The following SND1 variants were observed in gnomAD, a reference collection of about 807,000 sequenced individuals.
SND1 encodes staphylococcal nuclease domain-containing protein 1.
A neutral mutation model predicts 121.7 loss-of-function variants in SND1; 38 were observed. That is an observed-to-expected ratio of 0.31 (90% CI 0.24 to 0.41). SND1 has a LOEUF of 0.41. Among genes scored for constraint, SND1 ranks in the 10% least tolerant of loss-of-function variants. SND1 has a pLI of 1.00. For synonymous variants in SND1, 401 were observed against 447.4 expected (o/e 0.90, Z 1.31); for missense variants, 868 against 1,184.6 (o/e 0.73, Z 3.92).
intron 10 of SND1, among the ~76,000 whole-genome samples, chr7:127,806,656 C>T (rs747020267): frequency 2.8e-4 from 43 of 152,088 alleles, no homozygotes; most frequent in Non-Finnish European, 4.9e-4. Flanking sequence ...ATTAGCATAG[C>T]ACTTAATCAA....
At chr7:127,948,612 C>A (rs1272923985) in intron 15 of SND1, among the ~76,000 whole-genome samples, 1 of 152,254 alleles carries the variant, frequency 6.6e-6, no homozygotes, top group African/African-American at 2.4e-5. Flanking sequence ...CTAATGCCAT[C>A]TATCCAATTC....
At chr7:127,868,516 C>G (rs1453464361) in intron 12 of SND1, among the ~76,000 whole-genome samples, 2 of 152,116 alleles carry the variant, frequency 1.3e-5, no homozygotes, top group African/African-American at 4.8e-5. Context: ...TCCATGGCTC[C>G]CCATGGGGTA....
chr7:127,686,561 A>G (rs1795815724), intron 1 of SND1, 52 bp from the exon 2 acceptor site: 6 of 1,578,938 alleles, frequency 3.8e-6, no homozygotes, highest in Non-Finnish European at 5.2e-6. Context: ...AACCTGCATT[A>G]TGGTGATACG....
In SND1 at chr7:128,085,696, A is replaced by C. The variant is rs1290991642; in HGVS notation, c.2235-15A>C. On this transcript the variant is annotated splice_polypyrimidine_tract_variant and intron_variant, in intron 19 of 23. Coordinates refer to ENST00000354725, the MANE Select transcript of SND1 (RefSeq NM_014390.4). The surrounding 1 kb of genome is among the most constrained non-coding windows in gnomAD (Gnocchi z 4.4). ...CAGGGCTGTCTCTTGAGCTCTGCCC[A>C]TGATGCCATTGCAGGTACCGTGCCC... The C allele has an allele frequency of 6.2e-7, 1 of 1,613,694 alleles. No homozygotes were observed. Among genetic ancestry groups the C allele is most frequent in the Non-Finnish European group, 8.5e-7 (1 of 1,179,748 alleles).
intron 15 of SND1, among the ~76,000 whole-genome samples, chr7:127,969,879 T>G (rs1801943466): frequency 6.6e-6 from 1 of 152,244 alleles, no homozygotes; most frequent in Non-Finnish European, 1.5e-5. Flanking sequence ...ATAATCCCCG[T>G]GATCTAGGAC....
chr7:127,676,952 G>A (rs1052683434), intron 1 of SND1, among the ~76,000 whole-genome samples: 29 of 152,318 alleles, frequency 1.9e-4, no homozygotes, highest in African/African-American at 6.0e-4. Context: ...TTCTTGGCCA[G>A]GCTGGTCTCG....
chr7:127,989,817 AT>A (rs1286917240), intron 15 of SND1, among the ~76,000 whole-genome samples: 1 of 152,156 alleles, frequency 6.6e-6, no homozygotes, highest in Non-Finnish European at 1.5e-5. Flanking sequence ...TACAGTGTGA[AT>A]TTTTTTGAAA....
intron 11 of SND1, among the ~76,000 whole-genome samples, chr7:127,811,033 G>A (rs910093046): frequency 6.7e-6 from 1 of 149,430 alleles, no homozygotes; most frequent in Admixed American, 6.7e-5. Flanking sequence ...ATCAGAGACT[G>A]TCCTGAAAAT....
At chr7:128,030,130 G>C (rs1178059645) in intron 16 of SND1, 1 of 1,614,060 alleles carries the variant, frequency 6.2e-7, no homozygotes, top group Non-Finnish European at 8.5e-7. Flanking sequence ...ATGAGGGAGG[G>C]CACCCGGTTG....
At chr7:127,951,511 G>A (rs1041213447) in intron 15 of SND1, among the ~76,000 whole-genome samples, 2 of 152,194 alleles carry the variant, frequency 1.3e-5, no homozygotes, top group Non-Finnish European at 2.9e-5. Flanking sequence ...GTACAATATT[G>A]TGCCTATTGT....
Position 128,029,432 on chromosome 7 carries a change from G to A in SND1, c.1779+38376G>A, listed in dbSNP as rs951063528. 6.2e-7 allele frequency: 1 copy of A among 1,614,242 alleles called. No individual in the cohort carries two copies. The highest frequency in any genetic ancestry group is 2.2e-5 in the East Asian group (1 of 44,888). ...AAAAGTTCAAGGTGCCGTCGTTGAGGACAGAGATCCTTGGGTGGCGGGAGG... is the reference window on the plus strand; with the variant it reads ...AAAAGTTCAAGGTGCCGTCGTTGAGAACAGAGATCCTTGGGTGGCGGGAGG... On this transcript the variant is annotated intron_variant, in intron 16 of 23. Transcript: ENST00000354725. The surrounding 1 kb of genome is among the most constrained non-coding windows in gnomAD (Gnocchi z 4.2).
At chr7:128,027,281 C>T (rs1176696147) in intron 16 of SND1, 1 of 151,960 alleles carries the variant, frequency 6.6e-6, no homozygotes, top group African/African-American at 2.4e-5. Flanking sequence ...TCCCCACCCA[C>T]GCCCACCCTT....
At chr7:128,014,442 G>A (rs926683195) in intron 16 of SND1, among the ~76,000 whole-genome samples, 3 of 152,198 alleles carry the variant, frequency 2.0e-5, no homozygotes, top group African/African-American at 7.2e-5. Flanking sequence ...TACGAGCCTG[G>A]CGCTGAGAAG....
At chr7:127,911,948 T>G (rs1470341774) in intron 14 of SND1, among the ~76,000 whole-genome samples, 4 of 152,006 alleles carry the variant, frequency 2.6e-5, no homozygotes, top group African/African-American at 4.8e-5. Context: ...TGTGTTGGAG[T>G]TTTTTTGTAC....
At position 127,823,011 on chromosome 7, in the gene SND1, G is replaced by A. The variant is rs559160912; in HGVS notation, c.1242+15438G>A. ...TTGGGCACATTGTAAGAGCGTAATC[G>A]ATAACAGCAAACTACTGAGTCAGGG... On this transcript the variant is annotated intron_variant, in intron 11 of 23. Coordinates refer to ENST00000354725, the MANE Select transcript of SND1 (RefSeq NM_014390.4). Among the ~76,000 whole-genome samples, 14 of 152,278 alleles carry A rather than the reference G, an allele frequency of 9.2e-5. No homozygotes were observed. The South Asian group carries it at 1.7e-3, about 18-fold the overall frequency.
At chr7:128,037,505 C>G (rs61296452) in intron 16 of SND1, among the ~76,000 whole-genome samples, 261 of 152,336 alleles carry the variant, frequency 1.7e-3, no homozygotes, top group African/African-American at 5.4e-3. Context: ...GGATGTACCC[C>G]TATTTTTCTA....
chr7:127,958,589 G>T (rs771040877), intron 15 of SND1, among the ~76,000 whole-genome samples: 9 of 152,174 alleles, frequency 5.9e-5, no homozygotes, highest in Non-Finnish European at 1.2e-4. Flanking sequence ...TTGAGCTTCT[G>T]TGTGAAGGTA....
chr7:128,081,911 CTG>C, intron 18 of SND1: 1 of 536,596 alleles, frequency 1.9e-6, no homozygotes, highest in South Asian at 1.4e-5. Flanking sequence ...CCGTTTCCCT[CTG>C]GGGGAGCAAG....
At chr7:127,923,485 G>C (rs1278077038) in intron 14 of SND1, among the ~76,000 whole-genome samples, 1 of 152,142 alleles carries the variant, frequency 6.6e-6, no homozygotes, top group Non-Finnish European at 1.5e-5. Flanking sequence ...ATTTGAAAGT[G>C]CTTTATGGTA....
Sources: gnomAD v4.1 joint callset for allele counts (sites outside exome capture counted in the v4.1 genomes callset) on GRCh38, gnomAD v4.1.1 for gene constraint, Gnocchi (gnomAD v3.1) non-coding constraint, MANE v1.5 for transcripts, NCBI Gene and HGNC (gene_info 2026-07-23, HGNC 2026-07-21) for gene names.